The following KIF16B variants were observed in gnomAD, a reference collection of about 807,000 sequenced individuals.
KIF16B encodes kinesin-like protein KIF16B.
In KIF16B, 98 loss-of-function variants were observed where a neutral mutation model predicts 156.3. The ratio of observed to expected loss-of-function variants is 0.63; its 90% confidence interval spans 0.53 to 0.74. KIF16B has a LOEUF of 0.74. KIF16B is among the 30% of genes least tolerant of loss of function. KIF16B has a pLI of 0.00. For missense variants in KIF16B, 1,421 were observed against 1,606.5 expected (o/e 0.88, Z 1.97); for synonymous variants, 564 against 583.7 (o/e 0.97, Z 0.49).
At chr20:16,537,959 C>T (rs2070044169) in intron 1 of KIF16B, among the ~76,000 whole-genome samples, 1 of 152,106 alleles carries the variant, frequency 6.6e-6, no homozygotes, top group Non-Finnish European at 1.5e-5. Context: ...ACACCTTGGC[C>T]TCCCAAAGTG....
At chr20:16,384,842 C>A (rs2065190686) in intron 17 of KIF16B, among the ~76,000 whole-genome samples, 1 of 152,070 alleles carries the variant, frequency 6.6e-6, no homozygotes, top group Non-Finnish European at 1.5e-5. Flanking sequence ...ATTTCTCTTA[C>A]AGACTGTTGC....
At chr20:16,288,323 C>A (rs994260886) in intron 25 of KIF16B, among the ~76,000 whole-genome samples, 1 of 152,230 alleles carries the variant, frequency 6.6e-6, no homozygotes, top group Non-Finnish European at 1.5e-5. Context: ...ATTAAAGGAG[C>A]TATTGTCTAC....
chr20:16,458,113 G>A (rs1344190815), intron 12 of KIF16B, among the ~76,000 whole-genome samples: 1 of 152,066 alleles, frequency 6.6e-6, no homozygotes, highest in African/African-American at 2.4e-5. Context: ...CCACTTTACT[G>A]CCAAAATGCA....
intron 25 of KIF16B, among the ~76,000 whole-genome samples, chr20:16,291,863 C>T (rs1050355066): frequency 8.6e-5 from 13 of 152,018 alleles, no homozygotes; most frequent in African/African-American, 2.7e-4. Flanking sequence ...GCATAAATAC[C>T]GCACACCCTG....
At chr20:16,391,264 C>A (rs2065357408) in intron 17 of KIF16B, among the ~76,000 whole-genome samples, 1 of 152,128 alleles carries the variant, frequency 6.6e-6, no homozygotes, top group East Asian at 1.9e-4. Context: ...AGATGACACA[C>A]TCTCGAGGGC....
At chr20:16,511,066 C>T (rs1213459635) in intron 6 of KIF16B, among the ~76,000 whole-genome samples, 1 of 152,182 alleles carries the variant, frequency 6.6e-6, no homozygotes, top group Non-Finnish European at 1.5e-5. Flanking sequence ...TCTTTATTGT[C>T]ATATATCACC....
chr20:16,430,842 T>C (rs968978076), intron 12 of KIF16B, among the ~76,000 whole-genome samples: 2 of 147,896 alleles, frequency 1.4e-5, no homozygotes, highest in African/African-American at 5.0e-5. Context: ...ATACTGTGTG[T>C]GTGTATGTAT....
chr20:16,406,677 T>C (rs972616691), intron 15 of KIF16B, among the ~76,000 whole-genome samples: 10 of 152,090 alleles, frequency 6.6e-5, no homozygotes, highest in African/African-American at 2.4e-4. Context: ...TATCCTCATA[T>C]CCATAATATC....
intron 1 of KIF16B, among the ~76,000 whole-genome samples, chr20:16,540,257 T>C (rs1311163004): frequency 2.0e-5 from 3 of 152,186 alleles, no homozygotes; most frequent in South Asian, 2.1e-4. Flanking sequence ...TCTGAACATT[T>C]CTGAAAGGAT....
intron 17 of KIF16B, among the ~76,000 whole-genome samples, chr20:16,392,610 C>T (rs2065394437): frequency 6.6e-6 from 1 of 152,248 alleles, no homozygotes; most frequent in Non-Finnish European, 1.5e-5. Flanking sequence ...TGAAAGACAA[C>T]ATGCCGATAC....
At chr20:16,440,942 CA>C (rs1198820720) in intron 12 of KIF16B, among the ~76,000 whole-genome samples, 4 of 152,188 alleles carry the variant, frequency 2.6e-5, no homozygotes, top group Admixed American at 2.6e-4. Flanking sequence ...TTAAATTATG[CA>C]AAATGCATAA....
chr20:16,418,761 C>T (rs1265907599), intron 15 of KIF16B, among the ~76,000 whole-genome samples: 1 of 152,140 alleles, frequency 6.6e-6, no homozygotes, highest in Non-Finnish European at 1.5e-5. Flanking sequence ...TGTGCATGCT[C>T]ATGTTTCTCC....
Position 16,541,569 on chromosome 20 carries a change from C to T in KIF16B, c.48-13129G>A, listed in dbSNP as rs114414408. Among the ~76,000 whole-genome samples the T allele has an allele frequency of 5.7e-3, 872 of 152,334 alleles. 7 individuals carry two copies. Among genetic ancestry groups the T allele is most frequent in the African/African-American group, 0.02 (832 of 41,562 alleles). On this transcript the variant is annotated intron_variant, in intron 1 of 25. Coordinates refer to ENST00000354981, the MANE Select transcript of KIF16B (RefSeq NM_024704.5). ...CAGGAGGCCATTAAGCTGAGCCTTT[C>T]ATTGTCTTCCCTGGCCTAGGGAAAC...
chr20:16,382,432 C>A (rs1326920801), intron 17 of KIF16B, among the ~76,000 whole-genome samples: 1 of 152,114 alleles, frequency 6.6e-6, no homozygotes, highest in Non-Finnish European at 1.5e-5. Flanking sequence ...CAAACTAGCA[C>A]CTTTACTACT....
In KIF16B at chr20:16,486,621, G is replaced by C. The variant is rs576899463; in HGVS notation, c.1302+7670C>G. 9.2e-5 allele frequency among the ~76,000 whole-genome samples: 14 copies of C among 152,218 alleles called. No homozygotes were observed. In the South Asian group the frequency reaches 2.9e-3, roughly 32 times the overall value. On this transcript the variant is annotated intron_variant, in intron 12 of 25. Coordinates refer to ENST00000354981, the MANE Select transcript of KIF16B (RefSeq NM_024704.5). ...CGATTTTTACAATGAAAACCAAAGG[G>C]GAAAGAGCACTGACTTCTCAAATTA...
At chr20:16,374,505 G>A in intron 19 of KIF16B, 96 bp from the exon 20 acceptor site, 1 of 1,160,918 alleles carries the variant, frequency 8.6e-7, no homozygotes, top group Non-Finnish European at 1.2e-6. Flanking sequence ...GGGGGAACAA[G>A]ATCTGTCCTC....
rs574545914 is a variant in KIF16B, at chr20:16,473,513, T to C, written c.1302+20778A>G. 1.6e-4 allele frequency among the ~76,000 whole-genome samples: 25 copies of C among 152,272 alleles called. No homozygotes were observed. The East Asian group carries it at 4.2e-3, about 26-fold the overall frequency. Reference sequence around the variant, plus strand: ...TTATTAAATGAATGTTAGTACCCCATGGAAGAGATCGCAGGGACTAGAGTA... The same window carrying C: ...TTATTAAATGAATGTTAGTACCCCACGGAAGAGATCGCAGGGACTAGAGTA... On this transcript the variant is annotated intron_variant, in intron 12 of 25. Transcript: ENST00000354981.
At position 16,305,205 on chromosome 20, in the gene KIF16B, G is replaced by A. The variant is rs576146926; in HGVS notation, c.3795+7130C>T. Among the ~76,000 whole-genome samples the A allele has an allele frequency of 6.6e-4, 101 of 152,018 alleles. 1 individual carries two copies. The highest frequency in any genetic ancestry group is 2.3e-3 in the African/African-American group (94 of 41,454). ...CACAGCTAAGCTGTATTGTTCTCCC[G>A]TGGACCACAAACAATTTCAAAGAAT... On this transcript the variant is annotated intron_variant, in intron 25 of 25. Coordinates refer to ENST00000354981, the MANE Select transcript of KIF16B (RefSeq NM_024704.5).
At chr20:16,529,108 A>G (rs748077848) in intron 1 of KIF16B, among the ~76,000 whole-genome samples, 84 of 152,348 alleles carry the variant, frequency 5.5e-4, no homozygotes, top group Non-Finnish European at 1.0e-4. Flanking sequence ...AGATGGAGAA[A>G]ATCTATGTAG....
Sources: gnomAD v4.1 joint callset for allele counts (sites outside exome capture counted in the v4.1 genomes callset) on GRCh38, gnomAD v4.1.1 for gene constraint, MANE v1.5 for transcripts, NCBI Gene and HGNC (gene_info 2026-07-23, HGNC 2026-07-21) for gene names.